DNAH9: variants seen among roughly 807,000 people sequenced by gnomAD.
DNAH9 encodes the protein DNAH9 variant protein.
A neutral mutation model predicts 471.6 loss-of-function variants in DNAH9; 345 were observed. The ratio of observed to expected loss-of-function variants is 0.73; its 90% CI spans 0.67 to 0.80. DNAH9 has a LOEUF of 0.80. DNAH9 is among the 30% of genes least tolerant of loss of function. DNAH9 has a pLI of 0.00. For synonymous variants in DNAH9, 2,093 were observed against 2,123.6 expected (o/e 0.99, Z 0.40); for missense variants, 5,407 against 5,609.2 (o/e 0.96, Z 1.15).
chr17:11,608,454 C>A, intron 2 of DNAH9, 129 bp downstream of exon 2: 1 of 751,558 alleles, frequency 1.3e-6, no homozygotes, highest in Non-Finnish European at 2.1e-6. Flanking sequence ...AGCCTACTGT[C>A]TGCTCTGTTT....
intron 36 of DNAH9, among the ~76,000 whole-genome samples, chr17:11,767,127 G>A (rs928237886): frequency 6.6e-5 from 10 of 152,172 alleles, no homozygotes; most frequent in African/African-American, 2.2e-4. Flanking sequence ...CCAGCCAAGG[G>A]CTTAGCTGGG....
intron 2 of DNAH9, among the ~76,000 whole-genome samples, chr17:11,609,594 G>C (rs1364072604): frequency 6.6e-6 from 1 of 152,146 alleles, no homozygotes; most frequent in African/African-American, 2.4e-5. Flanking sequence ...GTGGGTTTCT[G>C]ACATAAAAAT....
chr17:11,846,806 G>A (rs1971240370), intron 49 of DNAH9, among the ~76,000 whole-genome samples: 1 of 139,100 alleles, frequency 7.2e-6, no homozygotes, highest in Admixed American at 7.5e-5. Flanking sequence ...CTCTCTGTTT[G>A]TCTGTTATTG....
At chr17:11,783,330 C>A (rs915576033) in intron 39 of DNAH9, among the ~76,000 whole-genome samples, 3 of 152,174 alleles carry the variant, frequency 2.0e-5, no homozygotes, top group African/African-American at 7.2e-5. Context: ...TCTCTGCAGC[C>A]CTTGATGTGG....
chr17:11,617,725 A>C (rs2072776065), intron 5 of DNAH9, 103 bp downstream of exon 5: 7 of 788,668 alleles, frequency 8.9e-6, no homozygotes, highest in Non-Finnish European at 1.5e-5. Context: ...CGAGGAAATA[A>C]TTATGTTCCA....
At chr17:11,647,228 G>A (rs2073411982) in intron 12 of DNAH9, 30 bp downstream of exon 12, 1 of 1,604,394 alleles carries the variant, frequency 6.2e-7, no homozygotes, top group Non-Finnish European at 8.5e-7. Context: ...CTCTCTTTTG[G>A]GTTCCTGAAG....
At chr17:11,768,889 C>T (rs1191672841) in intron 37 of DNAH9, among the ~76,000 whole-genome samples, 1 of 152,076 alleles carries the variant, frequency 6.6e-6, no homozygotes, top group South Asian at 2.1e-4. Flanking sequence ...GAGAAAGAGG[C>T]CCGGGTGGTA....
chr17:11,609,189 C>T (rs911149116), intron 2 of DNAH9, among the ~76,000 whole-genome samples: 9 of 152,198 alleles, frequency 5.9e-5, no homozygotes, highest in East Asian at 1.9e-4. Flanking sequence ...GAATAAGTAA[C>T]GCATGCAACA....
At chr17:11,931,064 T>A (rs1974494947) in intron 63 of DNAH9, among the ~76,000 whole-genome samples, 1 of 152,214 alleles carries the variant, frequency 6.6e-6, no homozygotes, top group Non-Finnish European at 1.5e-5. Flanking sequence ...GCCTCTTTGA[T>A]CTTCTCAAGA....
Position 11,669,756 on chromosome 17 carries a change from C to T in DNAH9, c.3315C>T (p.Leu1105=), listed in dbSNP as rs750677589. 56 of 1,614,070 alleles carry T rather than the reference C, an allele frequency of 3.5e-5. No homozygotes were observed. The Middle Eastern group carries it at 1.3e-3, about 38-fold the overall frequency. ...TGAATATTATTAAGAGGTGGAGCCT[C>T]CTGTTCAAACAGCATCTTGTGGACC... ...SLLNIIKRWS[L]LFKQHLVDHV... is the part of the protein sequence containing the mutation. The change falls in exon 17 of 69, where the codon CTC becomes CTT. Residue 1105 remains leucine, a synonymous_variant. Coordinates refer to ENST00000262442, the MANE Select transcript of DNAH9 (RefSeq NM_001372.4).
rs1322688043 is a variant in DNAH9 at position 11,769,214 on chromosome 17, G to A, written c.7437G>A (p.Thr2479=). 5.0e-6 allele frequency: 8 copies of A among 1,614,200 alleles called. No individual in the cohort carries two copies. Among genetic ancestry groups the A allele is most frequent in the South Asian group, 4.4e-5 (4 of 91,084 alleles). Residue 2479 remains threonine, a synonymous_variant, in exon 38 of 69, where the codon ACG becomes ACA. Coordinates refer to ENST00000262442, the MANE Select transcript of DNAH9 (RefSeq NM_001372.4). The part of the protein sequence containing the change: ...ARQRPVMLVG[T]AGTGKSVLVG... ...AGCGGCCTGTCATGCTGGTGGGCAC[G>A]GCTGGCACTGGCAAGTCGGTGCTGG...
At chr17:11,598,990 CGGGG>C in intron 1 of DNAH9, 75 bp downstream of exon 1, 1 of 186,128 alleles carries the variant, frequency 5.4e-6, no homozygotes, top group Non-Finnish European at 8.1e-6. Flanking sequence ...GGGACGGAGG[CGGGG>C]CCAGAGGGGG....
intron 44 of DNAH9, among the ~76,000 whole-genome samples, chr17:11,808,654 T>C (rs946734262): frequency 2.6e-5 from 4 of 152,162 alleles, no homozygotes; most frequent in Non-Finnish European, 5.9e-5. Context: ...AGGTCTTTCT[T>C]TAGTGCTTCC....
chr17:11,774,753 T>G (rs1272317738), intron 38 of DNAH9, among the ~76,000 whole-genome samples: 1 of 152,154 alleles, frequency 6.6e-6, no homozygotes, highest in Non-Finnish European at 1.5e-5. Flanking sequence ...TTTCATATAT[T>G]TTCGCTGCTG....
chr17:11,960,857 C>T (rs1319362219), intron 67 of DNAH9, among the ~76,000 whole-genome samples: 5 of 152,126 alleles, frequency 3.3e-5, no homozygotes, highest in Non-Finnish European at 7.4e-5. Context: ...CCAGGCCCTA[C>T]GGAGGTGAGA....
rs1313442109 is a variant in DNAH9, at chr17:11,872,564, G to A, written c.10242+778G>A. ...CCACTATACAGGAGGCACACAAAAC[G>A]TTCAAGACCGGGATACCTTTGGCAA... On this transcript the variant is annotated intron_variant, in intron 52 of 68. Coordinates refer to ENST00000262442, the MANE Select transcript of DNAH9 (RefSeq NM_001372.4). Among the ~76,000 whole-genome samples the A allele has an allele frequency of 2.0e-5, 3 of 152,110 alleles. No individual in the cohort carries two copies. In the East Asian group the frequency reaches 5.8e-4, roughly 29 times the overall value.
chr17:11,713,331 C>G (rs1245549674), intron 26 of DNAH9, among the ~76,000 whole-genome samples: 1 of 151,906 alleles, frequency 6.6e-6, no homozygotes, highest in Non-Finnish European at 1.5e-5. Flanking sequence ...GATTCTCTGT[C>G]TTTGCTTTGT....
chr17:11,643,493 G>A (rs2073317879), intron 10 of DNAH9, among the ~76,000 whole-genome samples: 1 of 152,148 alleles, frequency 6.6e-6, no homozygotes, highest in African/African-American at 2.4e-5. Context: ...GGCATATAGT[G>A]TTATAGACAA....
chr17:11,684,262 G>A (rs753859081), intron 19 of DNAH9, among the ~76,000 whole-genome samples: 2 of 152,184 alleles, frequency 1.3e-5, no homozygotes, highest in Non-Finnish European at 2.9e-5. Context: ...AAACCTGAGT[G>A]TCTTATTAAG....
Sources: allele counts gnomAD v4.1 joint callset (sites outside exome capture counted in the v4.1 genomes callset), GRCh38; gene constraint gnomAD v4.1.1; transcripts MANE v1.5; gene names NCBI Gene and HGNC (gene_info 2026-07-23, HGNC 2026-07-21).